The following TRAF3 variants were observed in gnomAD, a reference collection of about 807,000 sequenced individuals.
TRAF3 encodes TNF receptor associated factor 3, also known as TNF receptor-associated factor 3.
Under a neutral mutation model 62.3 loss-of-function variants are expected in TRAF3, and 13 were observed. That is an observed-to-expected ratio of 0.21 (90% confidence interval 0.14 to 0.33). The LOEUF (loss-of-function observed/expected upper bound fraction) is 0.33, where lower values mean the gene tolerates loss of function less well. Among genes scored for constraint, TRAF3 ranks in the 10% least tolerant of loss-of-function variants. TRAF3 has a pLI of 1.00. For missense variants in TRAF3, 440 were observed against 741.8 expected, an observed-to-expected ratio of 0.59 and a Z score of 4.73; for synonymous variants, 269 against 283.4, an observed-to-expected ratio of 0.95 and a Z score of 0.51.
intron 1 of TRAF3, among the ~76,000 whole-genome samples, chr14:102,805,773 C>A (rs1898735795): frequency 6.6e-6 from 1 of 152,160 alleles, no homozygotes; most frequent in Admixed American, 6.5e-5. Flanking sequence ...CAATTTAGAC[C>A]CAGACTCTTC....
chr14:102,819,331 A>G (rs1899753003), intron 1 of TRAF3, among the ~76,000 whole-genome samples: 2 of 151,880 alleles, frequency 1.3e-5, no homozygotes, highest in Admixed American at 6.6e-5. Context: ...TCTTGCCCGC[A>G]CCCACCACCA....
intron 9 of TRAF3, among the ~76,000 whole-genome samples, chr14:102,892,286 G>A (rs1322927499): frequency 5.9e-5 from 9 of 152,092 alleles, no homozygotes; most frequent in Admixed American, 1.3e-4. Context: ...TCAAACTCCC[G>A]ACCTCAGGTG....
chr14:102,872,957 G>T (rs186080033), intron 4 of TRAF3, among the ~76,000 whole-genome samples: 1 of 152,284 alleles, frequency 6.6e-6, no homozygotes, highest in African/African-American at 2.4e-5. Context: ...CTCCCAAAGT[G>T]CTGGGATTAC....
At chr14:102,866,892 C>CACACAG (rs1491199272) in intron 2 of TRAF3, among the ~76,000 whole-genome samples, 5,176 of 146,536 alleles carry the variant, frequency 0.035, 410 homozygotes, top group African/African-American at 0.12. Flanking sequence ...CACACACACA[C>CACACAG]AAAACAATGA....
intron 2 of TRAF3, among the ~76,000 whole-genome samples, chr14:102,857,656 G>A (rs1887450875): frequency 6.6e-6 from 1 of 152,174 alleles, no homozygotes; most frequent in African/African-American, 2.4e-5. Context: ...CCACAGGTCA[G>A]GAACCCTGCA....
chr14:102,796,356 G>C (rs550496599), intron 1 of TRAF3, among the ~76,000 whole-genome samples: 7 of 152,366 alleles, frequency 4.6e-5, no homozygotes, highest in African/African-American at 1.7e-4. Flanking sequence ...CCCTTCATCT[G>C]TGTCTTCTGC....
chr14:102,895,199 G>T, intron 9 of TRAF3: 1 of 447,120 alleles, frequency 2.2e-6, no homozygotes, highest in East Asian at 7.0e-5. Context: ...CATTCGTGCA[G>T]GTTGATCACT....
chr14:102,901,248 G>GTGGC, intron 10 of TRAF3, among the ~76,000 whole-genome samples: 1 of 152,234 alleles, frequency 6.6e-6, no homozygotes, highest in East Asian at 1.9e-4. Flanking sequence ...GCGGGGAGGG[G>GTGGC]TGGCTCGGTG....
At chr14:102,814,619 G>A (rs1488812044) in intron 1 of TRAF3, among the ~76,000 whole-genome samples, 1 of 151,982 alleles carries the variant, frequency 6.6e-6, no homozygotes, top group Non-Finnish European at 1.5e-5. Context: ...CCTGGACTTA[G>A]GTGATCCTCC....
At chr14:102,811,789 C>G (rs1257851869) in intron 1 of TRAF3, among the ~76,000 whole-genome samples, 3 of 148,022 alleles carry the variant, frequency 2.0e-5, no homozygotes, top group Non-Finnish European at 4.5e-5. Context: ...ACTCTGCCAC[C>G]CAGGCTGGAG....
rs755457663 is a variant in TRAF3 at position 102,870,215 on chromosome 14, A to G, written c.14A>G (p.Lys5Arg). 6.2e-7 allele frequency: 1 copy of G among 1,614,192 alleles called. No individual in the cohort carries two copies. Among genetic ancestry groups the G allele is most frequent in the East Asian group, 2.2e-5 (1 of 44,878 alleles). The change falls in exon 3 of 12, where the codon AAA becomes AGA. Residue 5 changes from lysine to arginine, a missense_variant. Physicochemically the swap from Lys to Arg is conservative, Grantham distance 26. Around this residue, in one of 6 missense-constraint regions of TRAF3, gnomAD observed 40 missense variants for 38.3 expected, o/e 1.05. Coordinates refer to ENST00000392745, the MANE Select transcript of TRAF3 (RefSeq NM_145725.3). MESS[K>R]KMDSPGALQT... ...CTCTTTCCTAAAATGGAGTCGAGTA[A>G]AAAGATGGACTCTCCTGGCGCGCTG...
chr14:102,793,542 A>G lies in TRAF3; in HGVS notation c.-157+15867A>G, dbSNP rs565162657. On this transcript the variant is annotated intron_variant, in intron 1 of 11. Coordinates refer to ENST00000392745, the MANE Select transcript of TRAF3 (RefSeq NM_145725.3). ...TGAGAAAATTCTAAGAGGGTTTCCA[A>G]GCAGACAACCCTAACATCTCTGGCT... Among the ~76,000 whole-genome samples the G allele has an allele frequency of 5.9e-5, 9 of 152,328 alleles. No homozygotes were observed. In the East Asian group the frequency reaches 1.7e-3, roughly 29 times the overall value.
intron 8 of TRAF3, 148 bp from the exon 9 acceptor site, chr14:102,891,177 T>G (rs1889690097): frequency 1.3e-6 from 1 of 777,564 alleles, no homozygotes; most frequent in East Asian, 2.9e-5. Flanking sequence ...AGCACAGCCC[T>G]CCTTAGGCGC....
intron 2 of TRAF3, among the ~76,000 whole-genome samples, chr14:102,857,141 G>A (rs777538768): frequency 1.2e-4 from 18 of 152,216 alleles, no homozygotes; most frequent in Non-Finnish European, 2.4e-4. Flanking sequence ...ACTCCAGTAT[G>A]TGCCCAGAAT....
At chr14:102,794,184 T>G (rs1056383739) in intron 1 of TRAF3, among the ~76,000 whole-genome samples, 14 of 152,272 alleles carry the variant, frequency 9.2e-5, no homozygotes, top group African/African-American at 3.4e-4. Context: ...TTTCTTCTTT[T>G]TTTTCTTTTG....
intron 2 of TRAF3, among the ~76,000 whole-genome samples, chr14:102,849,236 C>G (rs888472840): frequency 6.6e-6 from 1 of 152,372 alleles, no homozygotes; most frequent in East Asian, 1.9e-4. Flanking sequence ...AACCTTATCA[C>G]ATTTGCAACT....
intron 1 of TRAF3, among the ~76,000 whole-genome samples, chr14:102,806,867 C>G (rs1450237742): frequency 1.3e-5 from 2 of 152,188 alleles, no homozygotes; most frequent in Non-Finnish European, 2.9e-5. Flanking sequence ...TGGGGCATGA[C>G]TGGGGCCACT....
intron 10 of TRAF3, among the ~76,000 whole-genome samples, chr14:102,902,292 G>A (rs1052719556): frequency 3.3e-5 from 5 of 152,194 alleles, no homozygotes; most frequent in Admixed American, 6.5e-5. Context: ...CTGCAGCATC[G>A]GCCCACTGGG....
intron 2 of TRAF3, among the ~76,000 whole-genome samples, chr14:102,851,077 A>G (rs1269304477): frequency 6.6e-6 from 1 of 152,186 alleles, no homozygotes; most frequent in Non-Finnish European, 1.5e-5. Flanking sequence ...GATGCCAAAC[A>G]TTAATTGGCA....
Sources: gnomAD v4.1 joint callset for allele counts (sites outside exome capture counted in the v4.1 genomes callset) on GRCh38, gnomAD v4.1.1 for gene constraint, gnomAD v4.1.1 regional missense constraint, MANE v1.5 for transcripts, NCBI Gene and HGNC (gene_info 2026-07-23, HGNC 2026-07-21) for gene names.